The following GRM5 variants were observed in gnomAD, a reference collection of about 807,000 sequenced individuals.
GRM5 encodes metabotropic glutamate receptor 5.
GRM5 carries 19 observed loss-of-function variants against 83.1 expected under a neutral mutation model. The observed-to-expected ratio is 0.23, with a 90% confidence interval of 0.16 to 0.34. The LOEUF is 0.34. Ranked by LOEUF, GRM5 falls within the 10% of genes least tolerant of loss-of-function variation. GRM5 has a pLI of 1.00. For missense variants in GRM5, 1,160 were observed against 1,588.3 expected (o/e 0.73, Z 4.58); for synonymous variants, 675 against 633.6 (o/e 1.07, Z -0.98).
intron 2 of GRM5, among the ~76,000 whole-genome samples, chr11:89,017,490 C>T (rs1591051420): frequency 1.3e-5 from 2 of 152,210 alleles, no homozygotes; most frequent in Non-Finnish European, 2.9e-5. Context: ...GAAAATGCCT[C>T]TTACCATTTA....
At chr11:88,744,936 T>C (rs1942102498) in intron 3 of GRM5, among the ~76,000 whole-genome samples, 1 of 152,142 alleles carries the variant, frequency 6.6e-6, no homozygotes, top group Non-Finnish European at 1.5e-5. Flanking sequence ...GTAGAGTACA[T>C]TGATTAAAAA....
intron 3 of GRM5, among the ~76,000 whole-genome samples, chr11:88,668,418 T>A (rs78203802): frequency 0.06 from 6,870 of 113,596 alleles, 162 homozygotes; most frequent in Middle Eastern, 0.1. Flanking sequence ...TCAACAATTT[T>A]TTTTCAAAAA....
At chr11:88,996,921 A>T (rs1940201804) in intron 2 of GRM5, among the ~76,000 whole-genome samples, 4 of 152,262 alleles carry the variant, frequency 2.6e-5, no homozygotes. Context: ...AAGTATCAAG[A>T]TAGAACTTTT....
intron 3 of GRM5, among the ~76,000 whole-genome samples, chr11:88,752,217 A>C (rs888680524): frequency 6.6e-6 from 1 of 152,146 alleles, no homozygotes; most frequent in East Asian, 1.9e-4. Flanking sequence ...TAGTCTCAGC[A>C]CAAAAGTTTA....
chr11:88,951,988 C>T (rs1311750116), intron 2 of GRM5, among the ~76,000 whole-genome samples: 1 of 152,162 alleles, frequency 6.6e-6, no homozygotes, highest in African/African-American at 2.4e-5. Flanking sequence ...AAAGAAGATA[C>T]TTCAGGCAGA....
At chr11:88,840,423 T>C (rs1565256361) in intron 3 of GRM5, among the ~76,000 whole-genome samples, 2 of 152,202 alleles carry the variant, frequency 1.3e-5, no homozygotes, top group Admixed American at 1.3e-4. Context: ...TAGTGTGATG[T>C]CTGTTAGCTC....
intron 3 of GRM5, among the ~76,000 whole-genome samples, chr11:88,692,615 C>G (rs1940807694): frequency 1.3e-5 from 2 of 152,256 alleles, no homozygotes; most frequent in South Asian, 4.1e-4. Flanking sequence ...GTGTTAAATT[C>G]ATTGCTTCAG....
intron 3 of GRM5, among the ~76,000 whole-genome samples, chr11:88,802,382 T>A (rs965515059): frequency 2.6e-5 from 4 of 152,124 alleles, no homozygotes; most frequent in African/African-American, 9.7e-5. Context: ...AAATCATGTC[T>A]TTTGCAGAAA....
At chr11:88,733,981 C>A (rs1232454658) in intron 3 of GRM5, among the ~76,000 whole-genome samples, 3 of 151,884 alleles carry the variant, frequency 2.0e-5, no homozygotes, top group Non-Finnish European at 2.9e-5. Context: ...TTTCTAAGAC[C>A]ATGAACAGTA....
chr11:88,617,489 G>T (rs1045417968), intron 4 of GRM5, among the ~76,000 whole-genome samples: 6 of 152,148 alleles, frequency 3.9e-5, no homozygotes, highest in African/African-American at 1.2e-4. Context: ...AGCAGAAAAA[G>T]CTCCAACAGA....
Position 88,594,571 on chromosome 11 carries a change from CATA to C in GRM5, c.1563+2610_1563+2612del, listed in dbSNP as rs377547442. Among the ~76,000 whole-genome samples, 91 of 152,240 alleles carry C rather than the reference CATA, an allele frequency of 6.0e-4. 2 individuals carry two copies. The South Asian group carries it at 0.017, about 29-fold the overall frequency. On this transcript the variant is annotated intron_variant, in intron 6 of 9. Transcript: ENST00000305447. ...TAGTTTACCAGCTGTTGCTGTATAC[CATA>C]ATAAGACATACAGAAAATTTCAGAT... is the stretch of plus-strand genomic sequence containing the variant.
Position 88,741,456 on chromosome 11 carries a change from G to A in GRM5, c.912-88053C>T, listed in dbSNP as rs1201119748. On this transcript the variant is annotated intron_variant, in intron 3 of 9. Transcript: ENST00000305447. ...TCTGACATTCTTATTGCTTCTGCCA[G>A]GAAAGTCTTTACAGTTCCAACTCAA... is the stretch of plus-strand genomic sequence containing the variant. Among the ~76,000 whole-genome samples, 3 of 152,108 alleles carry A rather than the reference G, an allele frequency of 2.0e-5. 1 individual carries two copies. Among genetic ancestry groups the A allele is most frequent in the Admixed American group, 2.0e-4 (3 of 15,246 alleles).
At chr11:88,889,255 G>T (rs1193584099) in intron 2 of GRM5, among the ~76,000 whole-genome samples, 1 of 152,030 alleles carries the variant, frequency 6.6e-6, no homozygotes, top group African/African-American at 2.4e-5. Flanking sequence ...TTAAGAAAGG[G>T]CTGATATCAT....
chr11:88,623,452 A>C (rs1403035143), intron 4 of GRM5, among the ~76,000 whole-genome samples: 1 of 152,090 alleles, frequency 6.6e-6, no homozygotes, highest in African/African-American at 2.4e-5. Context: ...TATTGTCCTC[A>C]ATTATCAAAT....
chr11:88,556,765 G>T (rs908608782), intron 8 of GRM5, among the ~76,000 whole-genome samples: 3 of 152,052 alleles, frequency 2.0e-5, no homozygotes, highest in African/African-American at 7.2e-5. Context: ...TCAAAGTCAG[G>T]ATTAGAATGC....
intron 2 of GRM5, among the ~76,000 whole-genome samples, chr11:88,873,038 G>T (rs1439333574): frequency 6.6e-6 from 1 of 151,072 alleles, no homozygotes; most frequent in Non-Finnish European, 1.5e-5. Flanking sequence ...CCACACAAAT[G>T]GAAACTAAAA....
At position 89,065,917 on chromosome 11, in the gene GRM5, C is replaced by T. The variant is rs1290685224; in HGVS notation, c.-342G>A. The T allele has an allele frequency of 1.3e-5, 2 of 152,150 alleles. No individual in the cohort carries two copies. The highest frequency in any genetic ancestry group is 1.3e-4 in the Admixed American group (2 of 15,284). The allele number at this position is 152,150 out of a possible 1,614,324, so 9.4% of individuals were successfully genotyped here. ...GACAGCAGGCAGAACGGCTGCGGGG[C>T]CCGCGGCGGTGGCGCTCGCTCTCTC... On this transcript the variant is annotated 5_prime_UTR_variant, in exon 1 of 10. Transcript: ENST00000305447.
chr11:88,599,321 T>C (rs954670062), intron 5 of GRM5, among the ~76,000 whole-genome samples: 6 of 152,230 alleles, frequency 3.9e-5, no homozygotes, highest in East Asian at 1.9e-4. Flanking sequence ...AATAAACTTG[T>C]TATAATTACA....
At chr11:88,787,990 A>G (rs548422623) in intron 3 of GRM5, among the ~76,000 whole-genome samples, 1 of 152,262 alleles carries the variant, frequency 6.6e-6, no homozygotes, top group East Asian at 1.9e-4. Context: ...CCAAGGGAAG[A>G]TATTTTACTG....
Sources: allele counts gnomAD v4.1 joint callset (sites outside exome capture counted in the v4.1 genomes callset), GRCh38; gene constraint gnomAD v4.1.1; transcripts MANE v1.5; gene names NCBI Gene and HGNC (gene_info 2026-07-23, HGNC 2026-07-21).